Variants in RNF10 observed in about 807,000 individuals in gnomAD.
RNF10 encodes the protein E3 ubiquitin-protein ligase RNF10.
Under a neutral mutation model 91.4 loss-of-function variants are expected in RNF10, and 38 were observed. That is an observed-to-expected ratio of 0.42 (90% CI 0.32 to 0.54). The LOEUF is 0.54. Among genes scored for constraint, RNF10 ranks in the 20% least tolerant of loss-of-function variants. The pLI is 0.16. For synonymous variants in RNF10, 364 were observed against 366.3 expected, an observed-to-expected ratio of 0.99 and a Z score of 0.07; for missense variants, 945 against 1,012.0, an observed-to-expected ratio of 0.93 and a Z score of 0.90.
intron 13 of RNF10, 105 bp from the exon 14 acceptor site, chr12:120,571,086 A>C: frequency 1.7e-6 from 1 of 589,694 alleles, no homozygotes; most frequent in Non-Finnish European, 2.9e-6. Context: ...TTTTGAGGGG[A>C]TGATTTGTAA....
intron 1 of RNF10, among the ~76,000 whole-genome samples, chr12:120,540,553 C>T (rs1169541882): frequency 6.6e-6 from 1 of 152,084 alleles, no homozygotes; most frequent in Non-Finnish European, 1.5e-5. Flanking sequence ...TCTCTGGGTC[C>T]CAGGCCTGAT....
intron 13 of RNF10, among the ~76,000 whole-genome samples, chr12:120,569,582 A>G (rs1876304016): frequency 7.8e-6 from 1 of 128,592 alleles, no homozygotes; most frequent in Admixed American, 1.0e-4. Flanking sequence ...CCCAAACTGG[A>G]GTGCAGTGGC....
chr12:120,562,933 T>C lies in RNF10; in HGVS notation c.1129-12T>C. 1.9e-6 allele frequency: 3 copies of C among 1,613,904 alleles called. No individual in the cohort carries two copies. Among genetic ancestry groups the C allele is most frequent in the Non-Finnish European group, 2.5e-6 (3 of 1,179,860 alleles). The stretch of plus-strand genomic sequence containing the variant: ...ACTTAACCTTCTCTGGTGTTCTCTC[T>C]GGCCACGTTAGACTCGGGAAGAGGC... On this transcript the variant is annotated splice_polypyrimidine_tract_variant and intron_variant, in intron 7 of 16. Coordinates refer to ENST00000325954, the MANE Select transcript of RNF10 (RefSeq NM_014868.5).
intron 6 of RNF10, among the ~76,000 whole-genome samples, chr12:120,558,662 G>A (rs960792139): frequency 6.7e-6 from 1 of 149,852 alleles, no homozygotes; most frequent in African/African-American, 2.5e-5. Flanking sequence ...TCTGCCTCCC[G>A]GGTTTGAGCG....
chr12:120,538,296 C>G (rs540576552), intron 1 of RNF10, among the ~76,000 whole-genome samples: 11 of 152,292 alleles, frequency 7.2e-5, no homozygotes, highest in African/African-American at 2.4e-4. Flanking sequence ...GGTTTCTATT[C>G]TGTAAACTGT....
At chr12:120,548,749 C>G (rs796380932) in intron 2 of RNF10, among the ~76,000 whole-genome samples, 1 of 150,606 alleles carries the variant, frequency 6.6e-6, no homozygotes, top group Non-Finnish European at 1.5e-5. Flanking sequence ...AACCTCCGCT[C>G]TTGGGTTCAC....
At position 120,542,502 on chromosome 12, in the gene RNF10, A is replaced by G. The variant is rs1293592783; in HGVS notation, c.158-3903A>G. On this transcript the variant is annotated intron_variant, in intron 1 of 16. Coordinates refer to ENST00000325954, the MANE Select transcript of RNF10 (RefSeq NM_014868.5). ...TACTACTAGTGCCATGTTTGACACT[A>G]ACTGTTGCTAACTGAAGTAATAGGT... Among the ~76,000 whole-genome samples, 3 of 152,178 alleles carry G rather than the reference A, an allele frequency of 2.0e-5. 1 individual carries two copies. The highest frequency in any genetic ancestry group is 6.6e-5 in the Admixed American group (1 of 15,266).
chr12:120,572,267 C>T (rs558374721), intron 14 of RNF10, among the ~76,000 whole-genome samples: 3 of 152,082 alleles, frequency 2.0e-5, no homozygotes, highest in Admixed American at 6.6e-5. Flanking sequence ...AGGGTTTCAC[C>T]GTATTAGCCA....
At chr12:120,539,316 T>G in intron 1 of RNF10, 2 of 890,542 alleles carry the variant, frequency 2.2e-6, no homozygotes, top group Non-Finnish European at 3.2e-6. Context: ...AGCAGATAAC[T>G]TACTGGCATG....
At chr12:120,560,930 G>A (rs1314907018) in intron 7 of RNF10, 44 bp downstream of exon 7, 3 of 1,588,678 alleles carry the variant, frequency 1.9e-6, no homozygotes, top group East Asian at 2.2e-5. Context: ...CACTTTCTCG[G>A]CGTTCTGTGG....
chr12:120,535,225 A>G (rs1440898257), intron 1 of RNF10, among the ~76,000 whole-genome samples: 9 of 152,210 alleles, frequency 5.9e-5, no homozygotes, highest in Admixed American at 5.9e-4. Context: ...ATATGATGAG[A>G]AAGGGTAAGG....
At chr12:120,542,135 G>A (rs1871667126) in intron 1 of RNF10, among the ~76,000 whole-genome samples, 1 of 151,938 alleles carries the variant, frequency 6.6e-6, no homozygotes, top group African/African-American at 2.4e-5. Flanking sequence ...CAAAGTGCTG[G>A]GATTACAGGC....
chr12:120,546,347 G>T, intron 1 of RNF10, 58 bp from the exon 2 acceptor site: 5 of 1,520,278 alleles, frequency 3.3e-6, no homozygotes, highest in Admixed American at 1.9e-5. Flanking sequence ...GTGGAGGGCA[G>T]TTGGCTAAGT....
At chr12:120,551,607 TGATTTTATTTTTAAATTTTA>T in intron 2 of RNF10, among the ~76,000 whole-genome samples, 1 of 151,720 alleles carries the variant, frequency 6.6e-6, no homozygotes, top group African/African-American at 2.4e-5. Context: ...TCACCCATCC[TGATTTTATTTTTAAATTTTA>T]GATTTTATTT....
intron 10 of RNF10, among the ~76,000 whole-genome samples, chr12:120,564,275 G>A (rs947626161): frequency 6.6e-5 from 10 of 152,078 alleles, no homozygotes; most frequent in Non-Finnish European, 1.5e-4. Context: ...TTTGTTGTAA[G>A]ATTTAAAATT....
At position 120,565,063 on chromosome 12, in the gene RNF10, C is replaced by G. The variant is rs773685175; in HGVS notation, c.1666-9C>G. On this transcript the variant is annotated splice_polypyrimidine_tract_variant and intron_variant, in intron 10 of 16. Coordinates refer to ENST00000325954, the MANE Select transcript of RNF10 (RefSeq NM_014868.5). Reference sequence around the variant, plus strand: ...CTTTTGTTGAGTATTGGTCCTTTTTCCAATGTAGGATGTTCGACAGCGTCA... The same window carrying G: ...CTTTTGTTGAGTATTGGTCCTTTTTGCAATGTAGGATGTTCGACAGCGTCA... The G allele has an allele frequency of 1.9e-6, 3 of 1,599,586 alleles. No homozygotes were observed. The highest frequency in any genetic ancestry group is 2.6e-6 in the Non-Finnish European group (3 of 1,167,558).
At chr12:120,552,409 A>T in intron 2 of RNF10, 90 bp from the exon 3 acceptor site, 1 of 1,074,916 alleles carries the variant, frequency 9.3e-7, no homozygotes, top group Non-Finnish European at 1.4e-6. Context: ...CAAAAAAAAA[A>T]GCTGTGTAAA....
At chr12:120,548,345 G>A (rs140944218) in intron 2 of RNF10, among the ~76,000 whole-genome samples, 255 of 151,862 alleles carry the variant, frequency 1.7e-3, no homozygotes, top group African/African-American at 5.7e-3. Flanking sequence ...TTCCAAAAAC[G>A]GATTAGGTTC....
intron 12 of RNF10, 80 bp downstream of exon 12, chr12:120,565,609 A>C: frequency 8.4e-7 from 1 of 1,191,144 alleles, no homozygotes. Flanking sequence ...CCTGGGAGCC[A>C]GACCTTAGCC....
Sources: allele counts gnomAD v4.1 joint callset (sites outside exome capture counted in the v4.1 genomes callset), GRCh38; gene constraint gnomAD v4.1.1; transcripts MANE v1.5; gene names NCBI Gene and HGNC (gene_info 2026-07-23, HGNC 2026-07-21).